The following SNX29 variants were observed in gnomAD, a reference collection of about 807,000 sequenced individuals.
SNX29 encodes the protein sorting nexin-29.
In SNX29, 78 loss-of-function variants were observed where a neutral mutation model predicts 102.1. The observed-to-expected ratio is 0.76, with a 90% confidence interval of 0.64 to 0.92. The LOEUF is 0.92. Among genes scored for constraint, SNX29 ranks in the 40% least tolerant of loss-of-function variants. The pLI, the probability that SNX29 is intolerant of heterozygous loss-of-function variation, is 0.00. For synonymous variants in SNX29, 580 were observed against 414.5 expected (o/e 1.40, Z -4.85); for missense variants, 1,280 against 1,061.7 (o/e 1.21, Z -2.86).
At chr16:12,344,529 A>C (rs1292430291) in intron 15 of SNX29, among the ~76,000 whole-genome samples, 1 of 152,136 alleles carries the variant, frequency 6.6e-6, no homozygotes, top group East Asian at 1.9e-4. Context: ...ATGTTTGTGG[A>C]ATGAATGAAT....
chr16:12,387,173 C>A (rs1235746662), intron 16 of SNX29, among the ~76,000 whole-genome samples: 1 of 152,088 alleles, frequency 6.6e-6, no homozygotes, highest in Non-Finnish European at 1.5e-5. Context: ...ATTCCCATTA[C>A]TGATCCAAAG....
chr16:12,507,021 T>C (rs1475604075), intron 19 of SNX29, among the ~76,000 whole-genome samples: 1 of 152,226 alleles, frequency 6.6e-6, no homozygotes, highest in African/African-American at 2.4e-5. Context: ...GTACTGAACC[T>C]GTAGATTATT....
chr16:12,570,050 G>A lies in SNX29; in HGVS notation c.*1421G>A, dbSNP rs555209015. 1.7e-5 allele frequency: 9 copies of A among 518,636 alleles called. No homozygotes were observed. The highest frequency in any genetic ancestry group is 1.1e-4 in the East Asian group (2 of 17,580). The allele number at this position is 518,636 out of a possible 1,614,324, so 32.1% of individuals were successfully genotyped here. A position where few individuals can be genotyped will look rare whatever the true frequency, so the allele number is the denominator to read the frequency against. ...GCATGGAGCATCTCCTAGGCTCGAG[G>A]ACATCTCTGGAGAATCATCTGGAAG... On this transcript the variant is annotated 3_prime_UTR_variant, in exon 21 of 21. Coordinates refer to ENST00000566228, the MANE Select transcript of SNX29 (RefSeq NM_032167.5).
At chr16:12,403,423 G>C in intron 17 of SNX29, 25 bp from the exon 18 acceptor site, 1 of 1,577,624 alleles carries the variant, frequency 6.3e-7, no homozygotes, top group Non-Finnish European at 8.6e-7. Flanking sequence ...TCTAATGTTG[G>C]TCTCTCTCTC....
At chr16:12,481,503 T>C (rs1004786254) in intron 19 of SNX29, among the ~76,000 whole-genome samples, 16 of 137,180 alleles carry the variant, frequency 1.2e-4, no homozygotes, top group Non-Finnish European at 1.8e-4. Context: ...CATATGTACA[T>C]ATACATATAG....
Position 12,552,182 on chromosome 16 carries a change from AAC to A in SNX29, c.2319-16322_2319-16321del, listed in dbSNP as rs2078020707. 3.3e-5 allele frequency among the ~76,000 whole-genome samples: 5 copies of A among 152,174 alleles called. No individual in the cohort carries two copies. In the East Asian group the frequency reaches 9.6e-4, roughly 29 times the overall value. ...AATCTACTAATCCTGCAGAAAGGGA[AAC>A]AACGGCAGATAAGGCAGGGGAGGGC... On this transcript the variant is annotated intron_variant, in intron 20 of 20. Transcript: ENST00000566228.
At chr16:12,179,399 C>A (rs567318217) in intron 13 of SNX29, among the ~76,000 whole-genome samples, 2 of 152,222 alleles carry the variant, frequency 1.3e-5, no homozygotes, top group Non-Finnish European at 2.9e-5. Context: ...GCAAGAGGAT[C>A]GCCTGAGCCC....
chr16:12,193,880 G>C (rs532306484), intron 13 of SNX29, among the ~76,000 whole-genome samples: 48 of 152,322 alleles, frequency 3.2e-4, no homozygotes, highest in Non-Finnish European at 6.2e-4. Flanking sequence ...ACATTGGCTT[G>C]AGGGCTGTAG....
intron 20 of SNX29, among the ~76,000 whole-genome samples, chr16:12,533,410 G>A (rs2076984106): frequency 6.6e-6 from 1 of 152,126 alleles, no homozygotes. Context: ...GTGATGTGTT[G>A]ATGCATATTT....
chr16:12,287,395 T>A (rs1318718526), intron 15 of SNX29, among the ~76,000 whole-genome samples: 1 of 152,130 alleles, frequency 6.6e-6, no homozygotes, highest in Non-Finnish European at 1.5e-5. Flanking sequence ...ATTTTTTTTT[T>A]AACTGGTAAA....
chr16:12,382,325 G>A (rs905730084), intron 16 of SNX29, among the ~76,000 whole-genome samples: 1 of 152,132 alleles, frequency 6.6e-6, no homozygotes, highest in African/African-American at 2.4e-5. Context: ...ACCTTGCTCC[G>A]TCGGACCCCA....
intron 14 of SNX29, among the ~76,000 whole-genome samples, chr16:12,212,623 C>A (rs2077216436): frequency 6.6e-6 from 1 of 152,116 alleles, no homozygotes; most frequent in Non-Finnish European, 1.5e-5. Context: ...TGTTTGTAGG[C>A]CGTTTGTATA....
intron 19 of SNX29, among the ~76,000 whole-genome samples, chr16:12,508,855 C>T (rs1317523825): frequency 6.6e-6 from 1 of 152,126 alleles, no homozygotes. Flanking sequence ...TTCTTGGGGA[C>T]ACACAATGGC....
intron 11 of SNX29, among the ~76,000 whole-genome samples, chr16:12,125,072 G>A (rs1010209263): frequency 4.6e-5 from 7 of 152,144 alleles, no homozygotes; most frequent in African/African-American, 1.4e-4. Flanking sequence ...TCCTCTGCTC[G>A]TGTGTGTCAC....
chr16:12,456,520 T>TGC (rs1383180310), intron 18 of SNX29, among the ~76,000 whole-genome samples: 1 of 151,766 alleles, frequency 6.6e-6, no homozygotes, highest in East Asian at 1.9e-4. Flanking sequence ...TGTGTGTGTG[T>TGC]GTGTGTGTGT....
At chr16:12,440,449 G>C (rs11075075) in intron 18 of SNX29, among the ~76,000 whole-genome samples, 65,772 of 151,886 alleles carry the variant, frequency 0.43, 14,432 homozygotes, top group African/African-American at 0.49. Context: ...TCTTTTTTAA[G>C]TTTTATTTGA....
chr16:12,426,551 C>T (rs1237608322), intron 18 of SNX29, among the ~76,000 whole-genome samples: 1 of 152,142 alleles, frequency 6.6e-6, no homozygotes, highest in African/African-American at 2.4e-5. Flanking sequence ...CTATAGAAAA[C>T]CCCAGGAAGG....
intron 20 of SNX29, chr16:12,546,379 G>C (rs549417311): frequency 6.7e-6 from 1 of 150,260 alleles, no homozygotes; most frequent in Non-Finnish European, 1.5e-5. Context: ...CACAATCACC[G>C]TGGAAGGCAA....
intron 14 of SNX29, among the ~76,000 whole-genome samples, chr16:12,206,036 A>G (rs959354533): frequency 1.3e-5 from 2 of 152,186 alleles, no homozygotes; most frequent in African/African-American, 4.8e-5. Context: ...TGCCACCCAA[A>G]TAATGTGCAT....
Sources: allele counts gnomAD v4.1 joint callset (sites outside exome capture counted in the v4.1 genomes callset), GRCh38; gene constraint gnomAD v4.1.1; transcripts MANE v1.5; gene names NCBI Gene and HGNC (gene_info 2026-07-23, HGNC 2026-07-21).